Variants in ZBBX observed in about 807,000 individuals in gnomAD.
The protein encoded by ZBBX is zinc finger B-box domain containing, also known as zinc finger B-box domain-containing protein 1.
In ZBBX, 101 loss-of-function variants were observed where a neutral mutation model predicts 108.5. The observed-to-expected ratio is 0.93, with a 90% CI of 0.79 to 1.10. The LOEUF (loss-of-function observed/expected upper bound fraction) is 1.10. Among genes scored for constraint, ZBBX ranks in the 50% least tolerant of loss-of-function variants. The pLI is 0.00. For missense variants in ZBBX, 1,009 were observed against 941.4 expected (o/e 1.07, Z -0.94); for synonymous variants, 356 against 323.4 (o/e 1.10, Z -1.08).
chr3:167,250,773 T>G (rs570198159), intron 20 of ZBBX, among the ~76,000 whole-genome samples: 1 of 152,142 alleles, frequency 6.6e-6, no homozygotes, highest in South Asian at 2.1e-4. Context: ...GTCGAGGAAG[T>G]GCTGAGTAGA....
intron 2 of ZBBX, among the ~76,000 whole-genome samples, chr3:167,376,270 C>T (rs1365253012): frequency 1.3e-5 from 2 of 151,984 alleles, no homozygotes; most frequent in Admixed American, 6.6e-5. Context: ...GTATATTTGT[C>T]CCATTTTCAT....
In ZBBX at chr3:167,328,041, C is replaced by T. The variant is rs757941285; in HGVS notation, c.763G>A (p.Glu255Lys). 8.7e-6 allele frequency: 14 copies of T among 1,612,750 alleles called. No individual in the cohort carries two copies. Among genetic ancestry groups the T allele is most frequent in the Non-Finnish European group, 1.2e-5 (14 of 1,179,420 alleles). The change falls in exon 11 of 22, where the codon GAA (glutamate) becomes AAA (lysine). Residue 255 changes from glutamate (E) to lysine (K), a missense_variant. By Grantham distance (56) the Glu-to-Lys change is moderately conservative. Transcript: ENST00000675490. ...KSLLCEGSFDEEASAQSFQEV... is the reference protein window; with the variant it reads ...KSLLCEGSFDKEASAQSFQEV... ...TGAAAGGACTGTGCAGAAGCTTCTT[C>T]ATCGAATGACCCTTCACACAACAGA...
intron 20 of ZBBX, among the ~76,000 whole-genome samples, chr3:167,265,528 G>A (rs1043515632): frequency 1.3e-5 from 2 of 152,136 alleles, no homozygotes; most frequent in South Asian, 2.1e-4. Flanking sequence ...TTGTTGCTAT[G>A]AGCTGCATAG....
At chr3:167,390,321 A>G (rs778414502) in intron 1 of ZBBX, among the ~76,000 whole-genome samples, 2 of 152,000 alleles carry the variant, frequency 1.3e-5, no homozygotes, top group Non-Finnish European at 2.9e-5. Flanking sequence ...CCATTGGTCT[A>G]TATATCTGTT....
At chr3:167,218,428 T>C in the ZBBX span, among the ~76,000 whole-genome samples, 3 of 151,946 alleles carry the variant, frequency 2.0e-5, no homozygotes, top group African/African-American at 7.3e-5. Context: ...TTTCAAGACA[T>C]AGTACAATAA....
At chr3:167,192,528 TG>T in the ZBBX span, among the ~76,000 whole-genome samples, 1 of 152,204 alleles carries the variant, frequency 6.6e-6, no homozygotes, top group Non-Finnish European at 1.5e-5. Flanking sequence ...TTTGCTTGTT[TG>T]CTCTTGTTGC....
chr3:167,206,457 A>C, the ZBBX span, among the ~76,000 whole-genome samples: 1 of 152,220 alleles, frequency 6.6e-6, no homozygotes, highest in East Asian at 1.9e-4. Context: ...AAATGAACAG[A>C]TATCTCTACA....
the ZBBX span, among the ~76,000 whole-genome samples, chr3:167,200,951 G>A: frequency 1.3e-5 from 2 of 152,240 alleles, no homozygotes; most frequent in Admixed American, 1.3e-4. Context: ...TGAAATTGCT[G>A]ATAAAGAATA....
intron 9 of ZBBX, among the ~76,000 whole-genome samples, chr3:167,348,566 T>A (rs1034281981): frequency 2.6e-5 from 4 of 151,992 alleles, no homozygotes; most frequent in Admixed American, 2.0e-4. Context: ...AAAATGTGTA[T>A]CTATATATAT....
At chr3:167,253,622 G>A (rs532490126) in intron 20 of ZBBX, among the ~76,000 whole-genome samples, 23 of 152,136 alleles carry the variant, frequency 1.5e-4, no homozygotes, top group African/African-American at 2.6e-4. Context: ...TACAGAACCC[G>A]CAAACAGTAG....
chr3:167,352,087 T>TAA (rs11394528), intron 8 of ZBBX, among the ~76,000 whole-genome samples: 12 of 151,612 alleles, frequency 7.9e-5, no homozygotes, highest in East Asian at 1.9e-4. Context: ...TCAAGGAACA[T>TAA]AAAAAAAGAG....
chr3:167,198,667 A>T, the ZBBX span, among the ~76,000 whole-genome samples: 2 of 152,336 alleles, frequency 1.3e-5, no homozygotes, highest in South Asian at 4.1e-4. Context: ...TCAGATATGA[A>T]TGGAAACACA....
intron 20 of ZBBX, among the ~76,000 whole-genome samples, chr3:167,268,724 G>A (rs572791185): frequency 6.6e-6 from 1 of 152,242 alleles, no homozygotes; most frequent in East Asian, 1.9e-4. Flanking sequence ...ACAAAAATTA[G>A]AAAATTGGGA....
chr3:167,186,034 T>A, the ZBBX span, among the ~76,000 whole-genome samples: 5 of 152,074 alleles, frequency 3.3e-5, no homozygotes, highest in South Asian at 2.1e-4. Flanking sequence ...TTATTTTCCT[T>A]CATAAATACT....
At chr3:167,384,679 G>A (rs1747851893), upstream of ZBBX, among the ~76,000 whole-genome samples, 1 of 151,996 alleles carries the variant, frequency 6.6e-6, no homozygotes, top group Non-Finnish European at 1.5e-5. Context: ...TATTGAGAGA[G>A]GCATTCATTC....
At chr3:167,378,809 G>C (rs1029500103) in intron 2 of ZBBX, among the ~76,000 whole-genome samples, 1 of 152,170 alleles carries the variant, frequency 6.6e-6, no homozygotes, top group African/African-American at 2.4e-5. Context: ...TCTACTCAAT[G>C]CTCAATTCGA....
intron 4 of ZBBX, 21 bp from the exon 5 acceptor site, chr3:167,368,595 T>G (rs1209503940): frequency 5.2e-6 from 8 of 1,536,058 alleles, no homozygotes; most frequent in Non-Finnish European, 7.0e-6. Flanking sequence ...AAGATTTAAA[T>G]GGAGAAAGCA....
At chr3:167,351,901 C>T (rs1742721642) in intron 8 of ZBBX, among the ~76,000 whole-genome samples, 1 of 152,138 alleles carries the variant, frequency 6.6e-6, no homozygotes, top group Non-Finnish European at 1.5e-5. Flanking sequence ...AAACTGTCTG[C>T]TGGCCTTTCC....
In ZBBX at chr3:167,365,925, T is replaced by C. The variant is rs1427515222; in HGVS notation, c.234A>G (p.Gln78=). 8 of 1,609,586 alleles carry C rather than the reference T, an allele frequency of 5.0e-6. No homozygotes were observed. In the South Asian group the frequency reaches 6.6e-5, roughly 13 times the overall value. ...CTTTATTTTGTGACATCATATATGATTGATTGACCAATTTGCCCACTTTTC... is the reference window on the plus strand; with the variant it reads ...CTTTATTTTGTGACATCATATATGACTGATTGACCAATTTGCCCACTTTTC... ...KSGKVGKLVN[Q]SYMMSQNKGN... Residue 78 remains glutamine (Q), a synonymous_variant, in exon 6 of 22, where the codon CAA becomes CAG. Coordinates refer to ENST00000675490, the MANE Select transcript of ZBBX (RefSeq NM_001199201.2).
Sources: allele counts gnomAD v4.1 joint callset (sites outside exome capture counted in the v4.1 genomes callset), GRCh38; gene constraint gnomAD v4.1.1; transcripts MANE v1.5; gene names NCBI Gene and HGNC (gene_info 2026-07-23, HGNC 2026-07-21).